Variants in SDHAF4 observed in about 807,000 individuals in gnomAD.
SDHAF4 encodes the protein succinate dehydrogenase complex assembly factor 4.
SDHAF4 carries 14 observed loss-of-function variants against 14.3 expected under a neutral mutation model. That is an observed-to-expected ratio of 0.98 (90% CI 0.65 to 1.53). The LOEUF (loss-of-function observed/expected upper bound fraction) is 1.53. SDHAF4 is among the 40% of genes most tolerant of loss of function. The pLI, the probability that SDHAF4 is intolerant of heterozygous loss-of-function variation, is 0.00. For missense variants in SDHAF4, 141 were observed against 129.3 expected, an observed-to-expected ratio of 1.09 and a Z score of -0.44; for synonymous variants, 63 against 47.3, an observed-to-expected ratio of 1.33 and a Z score of -1.36.
At chr6:70,574,164 T>TA (rs201348562) in intron 1 of SDHAF4, among the ~76,000 whole-genome samples, 19,138 of 151,690 alleles carry the variant, frequency 0.13, 1,464 homozygotes, top group Middle Eastern at 0.19. Context: ...CTACTAAAAA[T>TA]ACAAAAATTA....
At chr6:70,586,756 A>G (rs1169303516) in intron 2 of SDHAF4, among the ~76,000 whole-genome samples, 5 of 152,214 alleles carry the variant, frequency 3.3e-5, no homozygotes, top group African/African-American at 4.8e-5. Context: ...ACAATAATCC[A>G]AGTAAATTTT....
intron 1 of SDHAF4, among the ~76,000 whole-genome samples, chr6:70,571,838 G>A (rs1380279512): frequency 6.6e-6 from 1 of 151,882 alleles, no homozygotes; most frequent in Non-Finnish European, 1.5e-5. Context: ...TATTTATCAG[G>A]TTTCCTCTTA....
intron 2 of SDHAF4, among the ~76,000 whole-genome samples, chr6:70,583,430 A>G (rs995820776): frequency 6.6e-6 from 1 of 152,172 alleles, no homozygotes; most frequent in Non-Finnish European, 1.5e-5. Context: ...TAAAATTTTT[A>G]TAAGTAGATA....
chr6:70,588,251 C>T (rs928302510), intron 2 of SDHAF4, among the ~76,000 whole-genome samples: 3 of 152,152 alleles, frequency 2.0e-5, no homozygotes, highest in African/African-American at 4.8e-5. Flanking sequence ...CTGGTCTCGG[C>T]GGCTCACGCC....
downstream of SDHAF4, among the ~76,000 whole-genome samples, chr6:70,590,175 T>C (rs913263701): frequency 2.0e-5 from 3 of 151,492 alleles, no homozygotes; most frequent in African/African-American, 7.3e-5. Context: ...GAGGCAGAGG[T>C]TGTAGTGAGC....
Position 70,589,477 on chromosome 6 carries a change from C to G in SDHAF4, c.*753C>G, listed in dbSNP as rs1048894. On this transcript the variant is annotated 3_prime_UTR_variant, in exon 3 of 3. Transcript: ENST00000370474. ...CACCACGCCCAGCCTAGAAATGATT[C>G]TTAGAGCTGTAGGCCTTTACTTCAT... The G allele has an allele frequency of 6.6e-6, 1 of 152,184 alleles. No individual in the cohort carries two copies. The highest frequency in any genetic ancestry group is 1.9e-4 in the East Asian group (1 of 5,194). The allele number at this position is 152,184 out of a possible 1,614,324, so 9.4% of individuals were successfully genotyped here. A position where few individuals can be genotyped will look rare whatever the true frequency, so the allele number is the denominator to read the frequency against.
At chr6:70,596,860 A>C in the SDHAF4 span, 1 of 152,230 alleles carries the variant, frequency 6.6e-6, no homozygotes, top group Non-Finnish European at 1.5e-5. Flanking sequence ...ACAAATGTTC[A>C]TTGGATAGTT....
At chr6:70,578,476 T>C (rs1199556840) in intron 1 of SDHAF4, among the ~76,000 whole-genome samples, 1 of 152,242 alleles carries the variant, frequency 6.6e-6, no homozygotes, top group African/African-American at 2.4e-5. Context: ...TATGAGACTT[T>C]TCTCAGATGT....
chr6:70,574,058 T>G (rs182987600), intron 1 of SDHAF4, among the ~76,000 whole-genome samples: 2 of 151,414 alleles, frequency 1.3e-5, no homozygotes, highest in Non-Finnish European at 2.9e-5. Flanking sequence ...CGGTGGCTCA[T>G]GCCTGTAATC....
At chr6:70,593,023 C>T (rs1020414720), downstream of SDHAF4, among the ~76,000 whole-genome samples, 2 of 152,238 alleles carry the variant, frequency 1.3e-5, no homozygotes, top group Non-Finnish European at 2.9e-5. Flanking sequence ...TCTCTAAGGG[C>T]TTGCTGCCCC....
chr6:70,596,824 A>G, the SDHAF4 span: 1 of 152,362 alleles, frequency 6.6e-6, no homozygotes, highest in African/African-American at 2.4e-5. Context: ...AAGAGCAAGC[A>G]TAAAGCCACA....
the SDHAF4 span, chr6:70,596,850 A>G: frequency 2.0e-5 from 3 of 152,236 alleles, no homozygotes; most frequent in Non-Finnish European, 4.4e-5. Flanking sequence ...CTAGTAAATA[A>G]CAAATGTTCA....
intron 2 of SDHAF4, among the ~76,000 whole-genome samples, chr6:70,582,382 T>C (rs1765141433): frequency 6.6e-6 from 1 of 152,200 alleles, no homozygotes; most frequent in African/African-American, 2.4e-5. Context: ...ATTTTAAATA[T>C]CACCTATGTG....
At chr6:70,567,123 C>A (rs956271722) in intron 1 of SDHAF4, 119 bp downstream of exon 1, 4 of 1,006,934 alleles carry the variant, frequency 4.0e-6, no homozygotes, top group South Asian at 3.2e-5. Flanking sequence ...TTGCCAGGGG[C>A]TGCCCAGCTT....
chr6:70,576,713 T>C (rs943141323), intron 1 of SDHAF4, among the ~76,000 whole-genome samples: 1 of 152,214 alleles, frequency 6.6e-6, no homozygotes, highest in Admixed American at 6.5e-5. Flanking sequence ...TACAGATAAT[T>C]CCATCAAACT....
chr6:70,582,697 A>G (rs1183936278), intron 2 of SDHAF4, among the ~76,000 whole-genome samples: 3 of 152,090 alleles, frequency 2.0e-5, no homozygotes, highest in Non-Finnish European at 2.9e-5. Flanking sequence ...CTGATCACTA[A>G]CCAAGTCCTG....
downstream of SDHAF4, among the ~76,000 whole-genome samples, chr6:70,589,790 T>C (rs1381601709): frequency 1.3e-5 from 2 of 152,196 alleles, no homozygotes; most frequent in East Asian, 1.9e-4. Flanking sequence ...AATATCCTTA[T>C]GTGTAAGTTG....
chr6:70,575,347 C>T lies in SDHAF4; in HGVS notation c.65-4067C>T, dbSNP rs554681188. 1.2e-4 allele frequency among the ~76,000 whole-genome samples: 18 copies of T among 151,830 alleles called. No individual in the cohort carries two copies. In the South Asian group the frequency reaches 3.5e-3, roughly 30 times the overall value. ...GAGCTGAGATCGTGCCACTGCACTC[C>T]AGCCTGGGGGACAGAGTGAGACTCT... On this transcript the variant is annotated intron_variant, in intron 1 of 2. Coordinates refer to ENST00000370474, the MANE Select transcript of SDHAF4 (RefSeq NM_145267.3).
At chr6:70,581,311 T>TAA (rs58007634) in intron 2 of SDHAF4, among the ~76,000 whole-genome samples, 114 of 148,960 alleles carry the variant, frequency 7.7e-4, no homozygotes, top group African/African-American at 2.5e-3. Flanking sequence ...TTTACCACAG[T>TAA]AAAAAAAAAA....
Sources: gnomAD v4.1 joint callset for allele counts (sites outside exome capture counted in the v4.1 genomes callset) on GRCh38, gnomAD v4.1.1 for gene constraint, MANE v1.5 for transcripts, NCBI Gene and HGNC (gene_info 2026-07-23, HGNC 2026-07-21) for gene names.